NR5A2: variants seen among roughly 807,000 people sequenced by gnomAD.
NR5A2 encodes the protein CYP7A promoter-binding factor.
In NR5A2, 26 loss-of-function variants were observed where a neutral mutation model predicts 62.7. The ratio of observed to expected loss-of-function variants is 0.41; its 90% confidence interval spans 0.30 to 0.58. NR5A2 has a LOEUF of 0.58. Ranked by LOEUF, NR5A2 falls within the 20% of genes least tolerant of loss-of-function variation. The probability of loss-of-function intolerance (pLI) is 0.22; values close to 1 mark genes in which losing one functional copy is unlikely to be tolerated. For synonymous variants in NR5A2, 246 were observed against 241.7 expected (o/e 1.02, Z -0.16); for missense variants, 541 against 669.1 (o/e 0.81, Z 2.11).
intron 7 of NR5A2, among the ~76,000 whole-genome samples, chr1:200,142,088 T>C (rs2102346252): frequency 6.6e-6 from 1 of 152,186 alleles, no homozygotes; most frequent in East Asian, 1.9e-4. Flanking sequence ...TTTATCTCAC[T>C]GTGCTGCTTT....
In NR5A2 at chr1:200,083,200, T is replaced by C. The variant is rs865878490; in HGVS notation, c.1111-28002T>C. On this transcript the variant is annotated intron_variant, in intron 5 of 7. Coordinates refer to ENST00000367362, the MANE Select transcript of NR5A2 (RefSeq NM_205860.3). ...GTATAAGCAATTTTATTTTTCTGGG[T>C]TTACCTACAAATGTGGTAGTCACAG... Among the ~76,000 whole-genome samples, 6 of 152,288 alleles carry C rather than the reference T, an allele frequency of 3.9e-5. No individual in the cohort carries two copies. The South Asian group carries it at 1.2e-3, about 32-fold the overall frequency.
At chr1:200,032,317 A>G (rs1661577208) in intron 1 of NR5A2, among the ~76,000 whole-genome samples, 1 of 152,196 alleles carries the variant, frequency 6.6e-6, no homozygotes, top group Non-Finnish European at 1.5e-5. Flanking sequence ...TGAGAAAACC[A>G]TGTGAACTGG....
At chr1:200,032,853 T>G (rs1436028883) in intron 1 of NR5A2, among the ~76,000 whole-genome samples, 1 of 152,252 alleles carries the variant, frequency 6.6e-6, no homozygotes, top group Non-Finnish European at 1.5e-5. Context: ...TACATACTCT[T>G]TCTCCAAAGT....
chr1:200,134,049 C>T (rs1276594989), intron 7 of NR5A2, among the ~76,000 whole-genome samples: 1 of 151,712 alleles, frequency 6.6e-6, no homozygotes, highest in Admixed American at 6.6e-5. Context: ...ATCGAATAAG[C>T]ATATAAAGAA....
intron 5 of NR5A2, among the ~76,000 whole-genome samples, chr1:200,089,907 C>A (rs1664738648): frequency 6.6e-6 from 1 of 152,242 alleles, no homozygotes; most frequent in Admixed American, 6.5e-5. Context: ...ATCTCATCAT[C>A]ACTGTCTTCC....
At chr1:200,120,634 G>A (rs1666438659) in intron 6 of NR5A2, among the ~76,000 whole-genome samples, 174 bp from the exon 7 acceptor site, 1 of 152,172 alleles carries the variant, frequency 6.6e-6, no homozygotes, top group Non-Finnish European at 1.5e-5. Context: ...AAGGCCAGAG[G>A]ATCACTTCAG....
chr1:200,103,560 T>G (rs1665498234), intron 5 of NR5A2, among the ~76,000 whole-genome samples: 1 of 152,200 alleles, frequency 6.6e-6, no homozygotes, highest in Admixed American at 6.5e-5. Flanking sequence ...TAATAAGAGC[T>G]GAAGTTGACA....
At chr1:200,094,779 G>A (rs796842876) in intron 5 of NR5A2, among the ~76,000 whole-genome samples, 18 of 151,362 alleles carry the variant, frequency 1.2e-4, no homozygotes, top group African/African-American at 3.6e-4. Flanking sequence ...TGATCTGCCC[G>A]CCTCGGCCTC....
At chr1:200,073,750 G>A (rs1265352915) in intron 5 of NR5A2, among the ~76,000 whole-genome samples, 1 of 151,894 alleles carries the variant, frequency 6.6e-6, no homozygotes, top group Non-Finnish European at 1.5e-5. Flanking sequence ...ACAGTTTCTT[G>A]ATTAATTAAT....
chr1:200,132,340 G>A (rs911960925), intron 7 of NR5A2, among the ~76,000 whole-genome samples: 6 of 152,122 alleles, frequency 3.9e-5, no homozygotes, highest in Admixed American at 1.3e-4. Flanking sequence ...TTTCCAAAGA[G>A]AAGGAAACTC....
chr1:200,123,615 T>C (rs1301551264), intron 7 of NR5A2, among the ~76,000 whole-genome samples: 1 of 152,180 alleles, frequency 6.6e-6, no homozygotes, highest in Non-Finnish European at 1.5e-5. Flanking sequence ...TATAGCAGTG[T>C]TCTTAAGGCG....
chr1:200,173,776 T>C (rs1654291113), intron 7 of NR5A2, among the ~76,000 whole-genome samples, 187 bp from the exon 8 acceptor site: 1 of 152,190 alleles, frequency 6.6e-6, no homozygotes, highest in Admixed American at 6.5e-5. Flanking sequence ...AAGACATTCT[T>C]CTAAAGCTCT....
chr1:200,086,213 T>TA (rs1158594104), intron 5 of NR5A2, among the ~76,000 whole-genome samples: 1 of 152,200 alleles, frequency 6.6e-6, no homozygotes, highest in Non-Finnish European at 1.5e-5. Context: ...TTCCTTTAAT[T>TA]ACTATGTCAA....
intron 7 of NR5A2, among the ~76,000 whole-genome samples, chr1:200,167,914 C>T (rs1176410562): frequency 6.6e-6 from 1 of 152,110 alleles, no homozygotes; most frequent in East Asian, 1.9e-4. Context: ...TCTCTTGAAC[C>T]CTGTGTTAGC....
chr1:200,099,881 C>T (rs1008109031), intron 5 of NR5A2, among the ~76,000 whole-genome samples: 2 of 152,248 alleles, frequency 1.3e-5, no homozygotes, highest in East Asian at 1.9e-4. Context: ...CATGAGCCAC[C>T]GCGCCTGGCC....
chr1:200,042,780 G>A, intron 2 of NR5A2: 2 of 983,618 alleles, frequency 2.0e-6, no homozygotes, highest in Non-Finnish European at 2.4e-6. Flanking sequence ...GGAAATACCG[G>A]ATCAGGCACT....
intron 2 of NR5A2, among the ~76,000 whole-genome samples, chr1:200,041,184 T>C (rs1662058051): frequency 6.6e-6 from 1 of 152,178 alleles, no homozygotes; most frequent in Non-Finnish European, 1.5e-5. Context: ...AAAAGGAAAG[T>C]TTCTGCTTCT....
At chr1:200,146,130 A>G (rs1462589103) in intron 7 of NR5A2, among the ~76,000 whole-genome samples, 1 of 152,220 alleles carries the variant, frequency 6.6e-6, no homozygotes, top group African/African-American at 2.4e-5. Flanking sequence ...AGATTAGTAA[A>G]TATTAACAAG....
intron 7 of NR5A2, among the ~76,000 whole-genome samples, chr1:200,168,692 G>A (rs962293471): frequency 2.6e-5 from 4 of 152,204 alleles, no homozygotes; most frequent in Admixed American, 2.6e-4. Flanking sequence ...TTAGGTGTCA[G>A]CACCAAAATT....
Sources: allele counts gnomAD v4.1 joint callset (sites outside exome capture counted in the v4.1 genomes callset), GRCh38; gene constraint gnomAD v4.1.1; transcripts MANE v1.5; gene names NCBI Gene and HGNC (gene_info 2026-07-23, HGNC 2026-07-21).